Variants in INTS12 observed in about 807,000 individuals in gnomAD.
INTS12 encodes integrator complex subunit 12.
A neutral mutation model predicts 41.6 loss-of-function variants in INTS12; 13 were observed. The observed-to-expected ratio is 0.31, with a 90% CI of 0.20 to 0.50. The LOEUF is 0.50. Among genes scored for constraint, INTS12 ranks in the 20% least tolerant of loss-of-function variants. The pLI is 0.98. For synonymous variants in INTS12, 199 were observed against 191.4 expected, an observed-to-expected ratio of 1.04 and a Z score of -0.33; for missense variants, 432 against 541.6, an observed-to-expected ratio of 0.80 and a Z score of 2.01.
At chr4:105,689,882 G>C (rs1731624111) in intron 6 of INTS12, among the ~76,000 whole-genome samples, 2 of 152,160 alleles carry the variant, frequency 1.3e-5, no homozygotes, top group Non-Finnish European at 2.9e-5. Context: ...CTCCAGCCTA[G>C]AAAACAGAGT....
chr4:105,701,050 C>G (rs1437634371), intron 2 of INTS12, among the ~76,000 whole-genome samples: 1 of 152,098 alleles, frequency 6.6e-6, no homozygotes, highest in East Asian at 1.9e-4. Flanking sequence ...AGTTAGGGAA[C>G]TGTCAGCAAT....
chr4:105,706,534 G>A (rs1732269755), intron 1 of INTS12: 1 of 152,130 alleles, frequency 6.6e-6, no homozygotes, highest in African/African-American at 2.4e-5. Flanking sequence ...ACAAGTGCGA[G>A]CCAAATCTCT....
In INTS12 at chr4:105,695,535, T is replaced by C; in HGVS notation, c.290A>G (p.Glu97Gly). 6.2e-7 allele frequency: 1 copy of C among 1,604,614 alleles called. No individual in the cohort carries two copies. The highest frequency in any genetic ancestry group is 8.5e-7 in the Non-Finnish European group (1 of 1,177,620). ...TCTTACTTTATCAGCAGGTCTCTTT[T>C]CAGCTTCCTTCTTTACCTTTTCAGT... ...LTTEKVKKEAEKRPADKMKSD... is the reference protein window; with the variant it reads ...LTTEKVKKEAGKRPADKMKSD... Residue 97 changes from glutamate to glycine, a missense_variant, in exon 4 of 8, where the codon GAA becomes GGA. Glu to Gly is a moderately conservative substitution (Grantham distance 98). Transcript: ENST00000340139.
At position 105,693,359 on chromosome 4, in the gene INTS12, A is replaced by C; in HGVS notation, c.437T>G (p.Phe146Cys). The C allele has an allele frequency of 6.2e-7, 1 of 1,613,986 alleles. No individual in the cohort carries two copies. Among genetic ancestry groups the C allele is most frequent in the Non-Finnish European group, 8.5e-7 (1 of 1,179,890 alleles). The change falls in exon 5 of 8, where the codon TTT (phenylalanine) becomes TGT (cysteine). Residue 146 changes from phenylalanine to cysteine, a missense_variant. Around this residue, in one of 3 missense-constraint regions of INTS12, gnomAD observed 168 missense variants for 198.9 expected, o/e 0.84. Coordinates refer to ENST00000340139, the MANE Select transcript of INTS12 (RefSeq NM_020395.4). ...AAAATCATCAGCACTGGTCTCCTCA[A>C]AACTGGAAAGGTCAGCCATAGGTAA... Reference protein sequence around the residue: ...KDLPMADLSSFEETSADDFAM... With the variant: ...KDLPMADLSSCEETSADDFAM...
intron 6 of INTS12, among the ~76,000 whole-genome samples, chr4:105,689,380 T>C (rs1398170797): frequency 6.6e-6 from 1 of 152,172 alleles, no homozygotes; most frequent in Non-Finnish European, 1.5e-5. Flanking sequence ...CTCAAAGCAA[T>C]TATAGTTAGA....
chr4:105,685,137 G>A (rs1731457925), intron 7 of INTS12, among the ~76,000 whole-genome samples: 1 of 152,042 alleles, frequency 6.6e-6, no homozygotes, highest in African/African-American at 2.4e-5. Flanking sequence ...AGTTAGAAAA[G>A]ACATTTGCTT....
intron 3 of INTS12, among the ~76,000 whole-genome samples, chr4:105,698,641 G>A (rs1483390651): frequency 6.6e-6 from 1 of 152,164 alleles, no homozygotes; most frequent in Non-Finnish European, 1.5e-5. Context: ...GTTTTGTAGA[G>A]CCATATTGAT....
At chr4:105,706,589 T>C (rs1302550168) in intron 1 of INTS12, among the ~76,000 whole-genome samples, 1 of 152,216 alleles carries the variant, frequency 6.6e-6, no homozygotes, top group East Asian at 1.9e-4. Flanking sequence ...TATGTGTCTA[T>C]GTGATTCCTT....
chr4:105,707,859 T>G, intron 1 of INTS12: 1 of 589,512 alleles, frequency 1.7e-6, no homozygotes, highest in Non-Finnish European at 2.1e-6. Flanking sequence ...CCAGTCTAAA[T>G]TGGGCATTCA....
intron 4 of INTS12, among the ~76,000 whole-genome samples, chr4:105,694,576 C>T (rs572420421): frequency 1.6e-4 from 25 of 152,160 alleles, no homozygotes; most frequent in Non-Finnish European, 3.5e-4. Context: ...AGTGATCCTC[C>T]TGCCTTGACC....
In INTS12 at chr4:105,704,250, A is replaced by G. The variant is rs562112800; in HGVS notation, c.-171-441T>C. On this transcript the variant is annotated intron_variant, in intron 1 of 7. Coordinates refer to ENST00000340139, the MANE Select transcript of INTS12 (RefSeq NM_020395.4). The stretch of plus-strand genomic sequence containing the variant: ...CGCCTCAGTCAGGTAAACCTAATAC[A>G]TACGATTGTCCCTCCTACTTCTTTG... 2.8e-3 allele frequency among the ~76,000 whole-genome samples: 424 copies of G among 152,328 alleles called. 3 individuals carry two copies. Among genetic ancestry groups the G allele is most frequent in the African/African-American group, 9.8e-3 (408 of 41,584 alleles).
chr4:105,695,760 T>C (rs1449717113), intron 3 of INTS12, 92 bp from the exon 4 acceptor site: 2 of 1,023,914 alleles, frequency 2.0e-6, no homozygotes, highest in African/African-American at 1.6e-5. Flanking sequence ...AGTTAAAAAT[T>C]AAGACATTTC....
Position 105,693,331 on chromosome 4 carries a change from G to A in INTS12, c.465C>T (p.Ala155=). The A allele has an allele frequency of 1.2e-6, 2 of 1,610,536 alleles. No individual in the cohort carries two copies. The highest frequency in any genetic ancestry group is 1.7e-6 in the Non-Finnish European group (2 of 1,177,566). Residue 155 remains alanine, a synonymous_variant, in exon 5 of 8, where the codon GCC becomes GCT. Coordinates refer to ENST00000340139, the MANE Select transcript of INTS12 (RefSeq NM_020395.4). The part of the protein sequence containing the change: ...SFEETSADDF[A]MEMGLACVVC... ...CAACGCAGGCCAATCCCATCTCCAT[G>A]GCAAAATCATCAGCACTGGTCTCCT...
intron 4 of INTS12, among the ~76,000 whole-genome samples, chr4:105,694,790 T>G (rs1315755488): frequency 1.3e-5 from 2 of 152,222 alleles, no homozygotes. Flanking sequence ...ACTACTAAAA[T>G]CTTAATTACT....
intron 5 of INTS12, 84 bp from the exon 6 acceptor site, chr4:105,692,219 C>T (rs1228440532): frequency 6.0e-6 from 8 of 1,337,870 alleles, no homozygotes; most frequent in Non-Finnish European, 8.2e-6. Flanking sequence ...TGTGCTGGCT[C>T]ATGCCTGTAA....
Position 105,686,719 on chromosome 4 carries a change from A to T in INTS12, c.777T>A (p.Phe259Leu). The part of the protein sequence containing the change: ...PETKLKQETT[F>L]LAFKRTEVKT... The stretch of plus-strand genomic sequence containing the variant: ...TGACTTCTGTTCTCTTAAACGCTAG[A>T]AAAGTTGTCTCTTGTTTCAGTTTAG... Residue 259 changes from phenylalanine (F) to leucine (L), a missense_variant, in exon 7 of 8, where the codon TTT becomes TTA. Phe to Leu is a conservative substitution (Grantham distance 22). Around this residue, in one of 3 missense-constraint regions of INTS12, gnomAD observed 258 missense variants for 309.9 expected, o/e 0.83. Coordinates refer to ENST00000340139, the MANE Select transcript of INTS12 (RefSeq NM_020395.4). The T allele has an allele frequency of 6.2e-7, 1 of 1,613,152 alleles. No homozygotes were observed. The highest frequency in any genetic ancestry group is 8.5e-7 in the Non-Finnish European group (1 of 1,179,326).
At chr4:105,703,558 G>A (rs1315813433) in intron 2 of INTS12, 90 bp downstream of exon 2, 1 of 152,158 alleles carries the variant, frequency 6.6e-6, no homozygotes, top group Non-Finnish European at 1.5e-5. Context: ...AAGCCCTGTA[G>A]TTTCCCTACT....
At chr4:105,686,062 ATTTC>A (rs1189038880) in intron 7 of INTS12, among the ~76,000 whole-genome samples, 2 of 152,108 alleles carry the variant, frequency 1.3e-5, no homozygotes, top group East Asian at 1.9e-4. Flanking sequence ...TTTAAACCAG[ATTTC>A]TTTTTCTTTT....
chr4:105,708,349 T>A, intron 1 of INTS12: 2 of 985,374 alleles, frequency 2.0e-6, no homozygotes, highest in Non-Finnish European at 2.4e-6. Context: ...CGTAGAGAAG[T>A]CACTAAAACC....
Sources: gnomAD v4.1 joint callset for allele counts (sites outside exome capture counted in the v4.1 genomes callset) on GRCh38, gnomAD v4.1.1 for gene constraint, gnomAD v4.1.1 regional missense constraint, MANE v1.5 for transcripts, NCBI Gene and HGNC (gene_info 2026-07-23, HGNC 2026-07-21) for gene names.